The following PUDP variants were observed in gnomAD, a reference collection of about 807,000 sequenced individuals.
PUDP encodes the protein pseudouridine-5'-phosphatase.
Under a neutral mutation model 9.4 loss-of-function variants are expected in PUDP, and 8 were observed. The ratio of observed to expected loss-of-function variants is 0.85; its 90% confidence interval spans 0.50 to 1.53. The LOEUF (loss-of-function observed/expected upper bound fraction) is 1.53, where lower values mean the gene tolerates loss of function less well. Among genes scored for constraint, PUDP ranks in the 40% most tolerant of loss-of-function variants. The pLI is 0.00. For synonymous variants in PUDP, 99 were observed against 80.7 expected (o/e 1.23, Z -1.22); for missense variants, 188 against 189.7 (o/e 0.99, Z 0.05).
At chrX:6,790,106 T>C (rs976684593) in intron 3 of PUDP, among the ~76,000 whole-genome samples, 25 of 111,311 alleles carry the variant, frequency 2.2e-4, no homozygotes, top group South Asian at 3.8e-4. Flanking sequence ...AGATAGATCA[T>C]AGAGAAAGAC....
chrX:6,882,805 C>T lies in PUDP; in HGVS notation c.*247+94328G>A, dbSNP rs549013193. Among the ~76,000 whole-genome samples, 5 of 111,232 alleles carry T rather than the reference C, an allele frequency of 4.5e-5. No homozygotes were observed. The South Asian group carries it at 1.9e-3, about 43-fold the overall frequency. ...AGAAGGAGCAGCCGGGGCAAGAGTC[C>T]TGCAGCGGCACTGAGGCTGGGTTGG... is the stretch of plus-strand genomic sequence containing the variant. On this transcript the variant is annotated intron_variant and NMD_transcript_variant, in intron 3 of 3. Transcript: ENST00000655425.
At chrX:6,922,385 T>A (rs1179363787) in intron 3 of PUDP, among the ~76,000 whole-genome samples, 1 of 111,323 alleles carries the variant, frequency 9.0e-6, no homozygotes, top group African/African-American at 3.3e-5. Context: ...GCATCCACTA[T>A]ATACCCACAA....
intron 3 of PUDP, among the ~76,000 whole-genome samples, chrX:6,728,882 G>A (rs764104469): frequency 9.9e-5 from 11 of 111,244 alleles, no homozygotes; most frequent in Non-Finnish European, 1.7e-4. Context: ...AAGTCTCCTT[G>A]GACTCCTCTG....
At chrX:6,792,083 T>A (rs1404084637) in intron 3 of PUDP, among the ~76,000 whole-genome samples, 1 of 111,307 alleles carries the variant, frequency 9.0e-6, no homozygotes, top group Non-Finnish European at 1.9e-5. Context: ...AGCAGGCTGA[T>A]TTCAAGCCTA....
chrX:6,791,563 C>T (rs1925749846), intron 3 of PUDP, among the ~76,000 whole-genome samples: 1 of 110,839 alleles, frequency 9.0e-6, no homozygotes, highest in African/African-American at 3.3e-5. Context: ...AAGAGGGAGA[C>T]GGGAGAGGAA....
intron 3 of PUDP, among the ~76,000 whole-genome samples, chrX:6,764,856 A>T (rs889244378): frequency 5.4e-5 from 6 of 111,982 alleles, no homozygotes; most frequent in African/African-American, 1.9e-4. Context: ...ATTAATTACA[A>T]ATTTTAATAA....
chrX:7,101,081 T>C (rs1383675687), intron 2 of PUDP, among the ~76,000 whole-genome samples: 3 of 112,364 alleles, frequency 2.7e-5, no homozygotes, highest in Non-Finnish European at 5.6e-5. Flanking sequence ...CATTTCTGTA[T>C]ACTCTTCAAG....
intron 3 of PUDP, among the ~76,000 whole-genome samples, chrX:6,899,582 T>TG (rs972936444): frequency 9.0e-6 from 1 of 111,185 alleles, no homozygotes; most frequent in African/African-American, 3.3e-5. Context: ...CAAAAAAATT[T>TG]TTTTAAGATT....
chrX:6,864,128 C>T (rs936472444), intron 3 of PUDP, among the ~76,000 whole-genome samples: 3 of 110,912 alleles, frequency 2.7e-5, no homozygotes, highest in African/African-American at 6.6e-5. Context: ...GAGTTGAAAT[C>T]GGTGAATAGG....
At chrX:6,958,972 G>T (rs999202169) in intron 3 of PUDP, among the ~76,000 whole-genome samples, 9 of 111,446 alleles carry the variant, frequency 8.1e-5, no homozygotes, top group Non-Finnish European at 1.5e-4. Context: ...TCTCTTAATT[G>T]CATATAATAC....
chrX:6,712,076 G>T lies in PUDP; in HGVS notation n.129-5610C>A, dbSNP rs73457812. The stretch of plus-strand genomic sequence containing the variant: ...AAATAACTGCATGCCACCTATTGGT[G>T]CAGGGCTAGGGAACCAAAGGATGCA... On this transcript the variant is annotated intron_variant and non_coding_transcript_variant, in intron 1 of 2. Transcript: ENST00000438499. Among the ~76,000 whole-genome samples the T allele has an allele frequency of 5.1e-3, 577 of 112,171 alleles. 5 individuals are homozygous for T. Among genetic ancestry groups the T allele is most frequent in the African/African-American group, 0.018 (550 of 30,925 alleles).
At chrX:6,706,892 A>T (rs1236450745) in intron 1 of PUDP, among the ~76,000 whole-genome samples, 1 of 111,307 alleles carries the variant, frequency 9.0e-6, no homozygotes, top group African/African-American at 3.3e-5. Flanking sequence ...GCCCCTAAAA[A>T]GTCCAAAAAC....
chrX:6,869,855 C>T (rs1555913967), intron 3 of PUDP, among the ~76,000 whole-genome samples: 1 of 110,780 alleles, frequency 9.0e-6, no homozygotes, highest in East Asian at 2.8e-4. Context: ...TATTGAAATT[C>T]CTCTAAAAAT....
At chrX:6,958,171 T>G in intron 3 of PUDP, among the ~76,000 whole-genome samples, 1 of 112,065 alleles carries the variant, frequency 8.9e-6, no homozygotes, top group Non-Finnish European at 1.9e-5. Context: ...GAATGGGACC[T>G]CATATTCTGT....
chrX:7,050,723 G>A (rs750235884), intron 3 of PUDP, among the ~76,000 whole-genome samples: 5 of 112,208 alleles, frequency 4.5e-5, no homozygotes, highest in African/African-American at 6.5e-5. Context: ...GAAATGGAGC[G>A]CAGCTGTGTG....
In PUDP at chrX:6,900,332, G is replaced by A. The variant is rs894286239; in HGVS notation, c.*247+76801C>T. 3.7e-5 allele frequency among the ~76,000 whole-genome samples: 4 copies of A among 106,786 alleles called. No individual in the cohort carries two copies. The Admixed American group carries it at 4.0e-4, about 11-fold the overall frequency. 92.7% of individuals were successfully genotyped at this position (106,786 alleles called of 115,157 possible). A position where few individuals can be genotyped will look rare whatever the true frequency, so the allele number is the denominator to read the frequency against. ...ATTTTTGGTTGTCACCACTTGGGGGGGGGGGCGCTGCTACTGGCATCTGGT... is the reference window on the plus strand; with the variant it reads ...ATTTTTGGTTGTCACCACTTGGGGGAGGGGGCGCTGCTACTGGCATCTGGT... On this transcript the variant is annotated intron_variant and NMD_transcript_variant, in intron 3 of 3. Transcript: ENST00000655425.
At chrX:7,037,786 A>G (rs760364311) in intron 1 of PUDP, among the ~76,000 whole-genome samples, 2 of 112,438 alleles carry the variant, frequency 1.8e-5, no homozygotes, top group East Asian at 5.5e-4. Context: ...TTTCAAATTC[A>G]TTCCTTTTTT....
intron 1 of PUDP, among the ~76,000 whole-genome samples, chrX:7,119,019 CA>C (rs1932268828): frequency 8.9e-6 from 1 of 112,159 alleles, no homozygotes; most frequent in South Asian, 3.7e-4. Flanking sequence ...ATTAAGAATA[CA>C]TCACTATGTA....
chrX:6,831,910 T>C (rs892813224), intron 3 of PUDP, among the ~76,000 whole-genome samples: 2 of 112,020 alleles, frequency 1.8e-5, no homozygotes, highest in African/African-American at 6.5e-5. Context: ...AAGGCAGCTT[T>C]AAAATCACTC....
Sources: allele counts gnomAD v4.1 joint callset (sites outside exome capture counted in the v4.1 genomes callset), GRCh38; gene constraint gnomAD v4.1.1; transcripts MANE v1.5; gene names NCBI Gene and HGNC (gene_info 2026-07-23, HGNC 2026-07-21).